EPB41L4B: variants seen among roughly 807,000 people sequenced by gnomAD.
The protein encoded by EPB41L4B is erythrocyte membrane protein band 4.1 like 4B, also known as band 4.1-like protein 4B.
EPB41L4B carries 30 observed loss-of-function variants against 112.5 expected under a neutral mutation model. The ratio of observed to expected loss-of-function variants is 0.27; its 90% CI spans 0.20 to 0.36. The LOEUF (loss-of-function observed/expected upper bound fraction) is 0.36. Ranked by LOEUF, EPB41L4B falls within the 10% of genes least tolerant of loss-of-function variation. The pLI, the probability that EPB41L4B is intolerant of heterozygous loss-of-function variation, is 1.00. For synonymous variants in EPB41L4B, 408 were observed against 439.7 expected (o/e 0.93, Z 0.90); for missense variants, 1,024 against 1,133.3 (o/e 0.90, Z 1.38).
At chr9:109,301,372 T>C (rs1223203913) in intron 1 of EPB41L4B, among the ~76,000 whole-genome samples, 4 of 152,192 alleles carry the variant, frequency 2.6e-5, no homozygotes, top group African/African-American at 9.6e-5. Flanking sequence ...TTGGGGATGG[T>C]AGTAAATTGC....
chr9:109,210,600 T>C (rs920934703), intron 17 of EPB41L4B, among the ~76,000 whole-genome samples: 1 of 152,268 alleles, frequency 6.6e-6, no homozygotes, highest in Admixed American at 6.5e-5. Context: ...TCAAGCTGGC[T>C]TGTTCTTGTT....
At chr9:109,267,357 T>G in intron 4 of EPB41L4B, 116 bp downstream of exon 4, 1 of 643,556 alleles carries the variant, frequency 1.6e-6, no homozygotes. Context: ...CTAATAACTC[T>G]TGCTGAGAAA....
intron 12 of EPB41L4B, among the ~76,000 whole-genome samples, chr9:109,252,232 T>C (rs1834815457): frequency 6.6e-6 from 1 of 152,182 alleles, no homozygotes; most frequent in South Asian, 2.1e-4. Flanking sequence ...CACTGCTATC[T>C]TGAGACAGCT....
intron 1 of EPB41L4B, among the ~76,000 whole-genome samples, chr9:109,305,236 A>C: frequency 6.6e-6 from 1 of 151,568 alleles, no homozygotes. Context: ...GATGGGGGGA[A>C]TGATGGGATA....
chr9:109,294,518 GT>G (rs1836658949), intron 1 of EPB41L4B, among the ~76,000 whole-genome samples: 1 of 152,050 alleles, frequency 6.6e-6, no homozygotes, highest in East Asian at 1.9e-4. Flanking sequence ...GGAGGCTGAG[GT>G]AGGAGGAAGA....
chr9:109,248,055 A>G (rs1173793997), intron 13 of EPB41L4B, among the ~76,000 whole-genome samples: 1 of 152,232 alleles, frequency 6.6e-6, no homozygotes, highest in Non-Finnish European at 1.5e-5. Context: ...TCTCAATGTC[A>G]TATTTTGGTG....
At chr9:109,278,290 G>C (rs1019159336) in intron 2 of EPB41L4B, among the ~76,000 whole-genome samples, 2 of 152,078 alleles carry the variant, frequency 1.3e-5, no homozygotes, top group South Asian at 2.1e-4. Flanking sequence ...GGGTGGGGTG[G>C]CATAACAGGA....
chr9:109,216,422 C>T (rs922139953), intron 16 of EPB41L4B, among the ~76,000 whole-genome samples: 3 of 152,136 alleles, frequency 2.0e-5, no homozygotes, highest in African/African-American at 7.2e-5. Context: ...GTGTGGATCA[C>T]CTGAAGTCAG....
chr9:109,320,423 G>A lies in EPB41L4B; in HGVS notation c.24C>T (p.Thr8=). The A allele has an allele frequency of 2.0e-6, 2 of 990,492 alleles. No homozygotes were observed. Among genetic ancestry groups the A allele is most frequent in the Non-Finnish European group, 2.4e-6 (2 of 834,838 alleles). The allele number at this position is 990,492 out of a possible 1,614,324, so 61.4% of individuals were successfully genotyped here. Reference sequence around the variant, plus strand: ...AGCGCTGCATGGAGCGGCGGCCAAAGGTCCGGCGCAGGAACCGCAGCATCC... The same window carrying A: ...AGCGCTGCATGGAGCGGCGGCCAAAAGTCCGGCGCAGGAACCGCAGCATCC... MLRFLRR[T]FGRRSMQRYA... The change falls in exon 1 of 26, where the codon ACC becomes ACT. Residue 8 remains threonine, a synonymous_variant. Transcript: ENST00000374566.
At chr9:109,218,645 C>T (rs1351064584) in intron 15 of EPB41L4B, among the ~76,000 whole-genome samples, 1 of 152,034 alleles carries the variant, frequency 6.6e-6, no homozygotes, top group African/African-American at 2.4e-5. Context: ...AGTCTTGGCC[C>T]TTTCTCTTTT....
intron 24 of EPB41L4B, among the ~76,000 whole-genome samples, chr9:109,181,683 A>T (rs1455213302): frequency 2.6e-5 from 4 of 152,168 alleles, no homozygotes; most frequent in Non-Finnish European, 5.9e-5. Flanking sequence ...AAAGCAAAAA[A>T]GAAAAAGCTG....
At chr9:109,204,554 C>T (rs925945) in intron 18 of EPB41L4B, among the ~76,000 whole-genome samples, 53,034 of 152,066 alleles carry the variant, frequency 0.35, 9,754 homozygotes, top group Middle Eastern at 0.44. Flanking sequence ...TGCAGCAGCA[C>T]GATCATGGCT....
At chr9:109,213,456 A>G (rs1833251568) in intron 17 of EPB41L4B, among the ~76,000 whole-genome samples, 1 of 152,202 alleles carries the variant, frequency 6.6e-6, no homozygotes, top group Non-Finnish European at 1.5e-5. Context: ...AGAGACAACT[A>G]ACAAACAGAT....
At chr9:109,215,593 T>A (rs899408605) in intron 16 of EPB41L4B, among the ~76,000 whole-genome samples, 2 of 152,184 alleles carry the variant, frequency 1.3e-5, no homozygotes, top group South Asian at 4.1e-4. Flanking sequence ...TTTCAAGCGA[T>A]TCTCCTGCCT....
At chr9:109,257,449 TG>T (rs1388706746) in intron 7 of EPB41L4B, among the ~76,000 whole-genome samples, 2 of 152,162 alleles carry the variant, frequency 1.3e-5, no homozygotes, top group Non-Finnish European at 2.9e-5. Context: ...CTTCCTGAAA[TG>T]TAACACTGTA....
intron 24 of EPB41L4B, among the ~76,000 whole-genome samples, chr9:109,181,562 C>T (rs542511383): frequency 6.6e-6 from 1 of 152,164 alleles, no homozygotes; most frequent in Admixed American, 6.5e-5. Flanking sequence ...AGGGGGCAGG[C>T]ATGGTGGCTC....
rs1427037337 is a variant in EPB41L4B at position 109,174,295 on chromosome 9, C to T, written c.*259G>A. On this transcript the variant is annotated 3_prime_UTR_variant, in exon 26 of 26. Transcript: ENST00000374566. ...ACACAGGTACTTCTGAAAAGGAATC[C>T]CGTTTTCCCATCTTTCTTTTCCTAG... The T allele has an allele frequency of 5.1e-6, 2 of 390,090 alleles. No homozygotes were observed. Among genetic ancestry groups the T allele is most frequent in the South Asian group, 4.4e-5 (1 of 22,610 alleles). 24.2% of individuals were successfully genotyped at this position (390,090 alleles called of 1,614,324 possible).
At chr9:109,256,252 A>T (rs1271017329) in intron 8 of EPB41L4B, 28 bp from the exon 9 acceptor site, 7 of 1,607,106 alleles carry the variant, frequency 4.4e-6, no homozygotes, top group Middle Eastern at 3.3e-4. Flanking sequence ...GACAATCGGT[A>T]GAGGGTTCTA....
intron 22 of EPB41L4B, among the ~76,000 whole-genome samples, chr9:109,186,327 A>G (rs1832263880): frequency 1.3e-5 from 2 of 151,980 alleles, no homozygotes; most frequent in South Asian, 4.1e-4. Context: ...AGCTGGGACT[A>G]CAGGTATGCA....
Sources: allele counts gnomAD v4.1 joint callset (sites outside exome capture counted in the v4.1 genomes callset), GRCh38; gene constraint gnomAD v4.1.1; transcripts MANE v1.5; gene names NCBI Gene and HGNC (gene_info 2026-07-23, HGNC 2026-07-21).